Variants in TESMIN observed in about 807,000 individuals in gnomAD.
TESMIN encodes the protein testis expressed metallothionein like protein.
A neutral mutation model predicts 47.4 loss-of-function variants in TESMIN; 34 were observed. The ratio of observed to expected loss-of-function variants is 0.72; its 90% CI spans 0.55 to 0.96. TESMIN has a LOEUF of 0.96. Ranked by LOEUF, TESMIN falls within the 40% of genes least tolerant of loss-of-function variation. The pLI, the probability that TESMIN is intolerant of heterozygous loss-of-function variation, is 0.00. For synonymous variants in TESMIN, 278 were observed against 258.9 expected, an observed-to-expected ratio of 1.07 and a Z score of -0.71; for missense variants, 610 against 637.2, an observed-to-expected ratio of 0.96 and a Z score of 0.46.
Position 68,747,420 on chromosome 11 carries a change from C to T in TESMIN, c.472-54G>A, listed in dbSNP as rs868123413. On this transcript the variant is annotated intron_variant, in intron 2 of 9. Coordinates refer to ENST00000255087, the MANE Select transcript of TESMIN (RefSeq NM_004923.3). ...AACACATGGTGGACACTGGCTCTTG[C>T]AGTTGCATAATTTAGAAAATTGAAA... The T allele has an allele frequency of 2.8e-5, 41 of 1,471,456 alleles. 1 individual carries two copies. The Middle Eastern group carries it at 7.3e-4, about 26-fold the overall frequency. The allele number at this position is 1,471,456 out of a possible 1,614,324, so 91.1% of individuals were successfully genotyped here. A position where few individuals can be genotyped will look rare whatever the true frequency, so the allele number is the denominator to read the frequency against.
At chr11:68,725,089 C>T (rs1172798675) in intron 6 of TESMIN, among the ~76,000 whole-genome samples, 1 of 152,148 alleles carries the variant, frequency 6.6e-6, no homozygotes, top group Non-Finnish European at 1.5e-5. Flanking sequence ...AGGAAATCCA[C>T]AGACAAATCA....
At chr11:68,733,739 A>G (rs1483061263) in intron 6 of TESMIN, 1 of 152,224 alleles carries the variant, frequency 6.6e-6, no homozygotes, top group Admixed American at 6.5e-5. Context: ...TAAAGATTAA[A>G]AAAGAAAATG....
At position 68,750,799 on chromosome 11, in the gene TESMIN, C is replaced by T. The variant is rs181666034; in HGVS notation, c.-39-100G>A. On this transcript the variant is annotated intron_variant, in intron 1 of 9. Transcript: ENST00000255087. ...AAGGGAGGGGCAGCCAAGGGAGGGG[C>T]GGCCAGGGGAGGGGACCAGGTGAGG... The T allele has an allele frequency of 4.0e-3, 117 of 29,554 alleles. 3 individuals are homozygous for T. The East Asian group carries it at 0.13, about 33-fold the overall frequency. The allele number at this position is 29,554 out of a possible 1,614,324, so 1.8% of individuals were successfully genotyped here.
chr11:68,705,790 A>AG (rs536410300), downstream of TESMIN, among the ~76,000 whole-genome samples: 77 of 152,240 alleles, frequency 5.1e-4, 1 homozygote, highest in East Asian at 0.012. Flanking sequence ...TGGGAGGCCC[A>AG]GGGGGGCGGA....
At chr11:68,737,287 C>T (rs149906240) in intron 6 of TESMIN, 1 of 985,448 alleles carries the variant, frequency 1.0e-6, no homozygotes, top group Non-Finnish European at 1.2e-6. Context: ...CTGTCCAACT[C>T]AGCAAAAGTT....
At chr11:68,731,022 G>A (rs1946320627) in intron 6 of TESMIN, among the ~76,000 whole-genome samples, 1 of 152,122 alleles carries the variant, frequency 6.6e-6, no homozygotes, top group South Asian at 2.1e-4. Flanking sequence ...AACTAAAAAG[G>A]GTAGTTCCAG....
At chr11:68,747,936 TA>T (rs757184069) in intron 2 of TESMIN, among the ~76,000 whole-genome samples, 2 of 151,698 alleles carry the variant, frequency 1.3e-5, no homozygotes, top group Non-Finnish European at 2.9e-5. Flanking sequence ...TCCTCGTGGT[TA>T]AAAAAAAATT....
chr11:68,716,660 A>G (rs1946143132), intron 6 of TESMIN, among the ~76,000 whole-genome samples: 1 of 152,218 alleles, frequency 6.6e-6, no homozygotes, highest in South Asian at 2.1e-4. Context: ...GCTGGCAGCC[A>G]GTCTCCCTCC....
chr11:68,744,800 C>T, intron 4 of TESMIN, 191 bp downstream of exon 4: 1 of 406,560 alleles, frequency 2.5e-6, no homozygotes, highest in Non-Finnish European at 4.3e-6. Context: ...TTGAGACAGT[C>T]AGTACAGGGT....
chr11:68,739,507 C>G (rs1332575259), intron 5 of TESMIN, among the ~76,000 whole-genome samples: 1 of 152,204 alleles, frequency 6.6e-6, no homozygotes, highest in Non-Finnish European at 1.5e-5. Flanking sequence ...GTCCCTTCCT[C>G]TGTCCAAAAA....
intron 4 of TESMIN, among the ~76,000 whole-genome samples, chr11:68,744,526 G>A (rs1249909961): frequency 6.6e-6 from 1 of 152,180 alleles, no homozygotes; most frequent in Admixed American, 6.5e-5. Flanking sequence ...CAAATCCTTT[G>A]TTATTTCAGA....
intron 2 of TESMIN, 152 bp downstream of exon 2, chr11:68,750,038 G>A (rs1018109436): frequency 2.8e-5 from 17 of 608,224 alleles, no homozygotes; most frequent in Middle Eastern, 4.5e-4. Flanking sequence ...AAGAGTATAC[G>A]CTCTACCGAG....
Position 68,712,038 on chromosome 11 carries a change from G to A in TESMIN, c.1159-989C>T, listed in dbSNP as rs569331415. On this transcript the variant is annotated intron_variant, in intron 8 of 9. Coordinates refer to ENST00000255087, the MANE Select transcript of TESMIN (RefSeq NM_004923.3). ...GAGAGATGCATCTTCAGGGGGATGCGTTCTGTTTCATCTGCACCTCTGGGT... is the reference window on the plus strand; with the variant it reads ...GAGAGATGCATCTTCAGGGGGATGCATTCTGTTTCATCTGCACCTCTGGGT... Among the ~76,000 whole-genome samples the A allele has an allele frequency of 4.0e-4, 61 of 152,342 alleles. No individual in the cohort carries two copies. The South Asian group carries it at 8.3e-3, about 21-fold the overall frequency.
intron 6 of TESMIN, among the ~76,000 whole-genome samples, chr11:68,727,332 C>G (rs903436759): frequency 6.6e-6 from 1 of 152,120 alleles, no homozygotes; most frequent in African/African-American, 2.4e-5. Flanking sequence ...CCCAGCTACT[C>G]AGGGGGCTGA....
At chr11:68,711,139 G>T in intron 8 of TESMIN, 90 bp from the exon 9 acceptor site, 1 of 1,127,772 alleles carries the variant, frequency 8.9e-7, no homozygotes, top group South Asian at 1.5e-5. Flanking sequence ...ATAATTCTTC[G>T]CGTATATTTG....
chr11:68,713,400 A>C lies in TESMIN; in HGVS notation c.1028T>G (p.Leu343Arg). ...CTGGAAAGCTTCTGGATTTCTACCA[A>C]GACATGCCTAGGGTAGAATGGGAAG... ...IERFKAIKAC[L>R]GRNPEAFQPK... The change falls in exon 8 of 10, where the codon CTT becomes CGT. Residue 343 changes from leucine (L) to arginine (R), a missense_variant. By Grantham distance (102) the Leu-to-Arg change is moderately radical (BLOSUM62 -2). Coordinates refer to ENST00000255087, the MANE Select transcript of TESMIN (RefSeq NM_004923.3). 6.2e-7 allele frequency: 1 copy of C among 1,614,166 alleles called. No individual in the cohort carries two copies. Among genetic ancestry groups the C allele is most frequent in the Non-Finnish European group, 8.5e-7 (1 of 1,180,038 alleles).
intron 6 of TESMIN, chr11:68,736,717 CTGAT>C: frequency 1.0e-6 from 1 of 978,586 alleles, no homozygotes; most frequent in Non-Finnish European, 1.2e-6. Flanking sequence ...AAACATGTGA[CTGAT>C]TGAAAATAAT....
At chr11:68,710,608 T>C (rs1027238855) in intron 9 of TESMIN, 9 of 412,700 alleles carry the variant, frequency 2.2e-5, no homozygotes, top group African/African-American at 6.2e-5. Flanking sequence ...CAGGGCTCTT[T>C]TGTCTGGTAC....
intron 6 of TESMIN, among the ~76,000 whole-genome samples, chr11:68,734,897 C>T (rs539208857): frequency 2.0e-5 from 3 of 152,206 alleles, no homozygotes; most frequent in Non-Finnish European, 4.4e-5. Flanking sequence ...AATCCTCCCC[C>T]ACTTGGCCTG....
Sources: allele counts gnomAD v4.1 joint callset (sites outside exome capture counted in the v4.1 genomes callset), GRCh38; gene constraint gnomAD v4.1.1; transcripts MANE v1.5; gene names NCBI Gene and HGNC (gene_info 2026-07-23, HGNC 2026-07-21).